The following RARB variants were observed in gnomAD, a reference collection of about 807,000 sequenced individuals.
RARB encodes HBV-activated protein.
A neutral mutation model predicts 51.9 loss-of-function variants in RARB; 17 were observed. That is an observed-to-expected ratio of 0.33 (90% CI 0.22 to 0.49). RARB has a LOEUF of 0.49. RARB is among the 20% of genes least tolerant of loss of function. The pLI is 0.99. For synonymous variants in RARB, 215 were observed against 195.4 expected, an observed-to-expected ratio of 1.10 and a Z score of -0.84; for missense variants, 369 against 550.8, an observed-to-expected ratio of 0.67 and a Z score of 3.30.
At chr3:24,860,875 C>CT (rs1028489591) in intron 2 of RARB, among the ~76,000 whole-genome samples, 4 of 152,118 alleles carry the variant, frequency 2.6e-5, no homozygotes, top group Non-Finnish European at 5.9e-5. Context: ...TTCTTGTATA[C>CT]TAATGACTTA....
intron 2 of RARB, among the ~76,000 whole-genome samples, chr3:24,883,860 T>C (rs1703219841): frequency 6.6e-6 from 1 of 152,172 alleles, no homozygotes; most frequent in Non-Finnish European, 1.5e-5. Flanking sequence ...GTTGCTAGTA[T>C]TTTAATACTT....
At chr3:24,876,748 G>T (rs1402784652) in intron 2 of RARB, among the ~76,000 whole-genome samples, 4 of 152,080 alleles carry the variant, frequency 2.6e-5, no homozygotes, top group Non-Finnish European at 5.9e-5. Flanking sequence ...CAACCAACTT[G>T]CCATGTGATA....
intron 2 of RARB, among the ~76,000 whole-genome samples, chr3:24,859,893 C>A (rs1245497711): frequency 1.3e-5 from 2 of 152,066 alleles, no homozygotes; most frequent in Non-Finnish European, 2.9e-5. Flanking sequence ...AATTTAAATT[C>A]TATATTATTC....
At chr3:24,963,957 A>G (rs928749064) in intron 2 of RARB, among the ~76,000 whole-genome samples, 33 of 152,288 alleles carry the variant, frequency 2.2e-4, no homozygotes, top group African/African-American at 7.7e-4. Flanking sequence ...CTTGTATATA[A>G]TCTTGACCAG....
chr3:25,425,397 A>G (rs767348569), upstream of RARB, among the ~76,000 whole-genome samples: 5 of 152,236 alleles, frequency 3.3e-5, no homozygotes, highest in Non-Finnish European at 7.3e-5. Flanking sequence ...AATAATTAGC[A>G]TGTGGCTAAA....
intron 5 of RARB, among the ~76,000 whole-genome samples, chr3:25,341,871 C>T (rs913969144): frequency 6.6e-5 from 10 of 151,960 alleles, no homozygotes; most frequent in African/African-American, 2.4e-4. Context: ...CCTGACACAC[C>T]TCAAACTACG....
intron 2 of RARB, among the ~76,000 whole-genome samples, chr3:24,949,096 AC>A (rs1695834284): frequency 6.6e-6 from 1 of 152,176 alleles, no homozygotes; most frequent in African/African-American, 2.4e-5. Context: ...AGCCCTGGTT[AC>A]CATTTGACCC....
In RARB at chr3:25,011,092, T is replaced by C. The variant is rs148499047; in HGVS notation, c.-379-49033T>C. 3.2e-3 allele frequency among the ~76,000 whole-genome samples: 489 copies of C among 152,284 alleles called. 1 individual carries two copies. The highest frequency in any genetic ancestry group is 0.011 in the African/African-American group (470 of 41,568). On this transcript the variant is annotated intron_variant, in intron 2 of 11. Transcript: ENST00000383772. ...TGTTGATTTCTTCATTCAACAATTA[T>C]CTACTGAATGCCAGTAAGGTGGCAG...
chr3:25,209,871 A>C (rs1701648243), intron 5 of RARB, among the ~76,000 whole-genome samples: 1 of 152,218 alleles, frequency 6.6e-6, no homozygotes, highest in Non-Finnish European at 1.5e-5. Flanking sequence ...GATGTGACCG[A>C]AACTACTGCT....
intron 5 of RARB, among the ~76,000 whole-genome samples, chr3:25,369,651 G>A (rs1396349281): frequency 6.6e-5 from 10 of 152,242 alleles, no homozygotes; most frequent in Non-Finnish European, 8.8e-5. Flanking sequence ...GGCCAGGCGC[G>A]GTGGCTCACG....
chr3:25,328,167 A>G (rs998273545), intron 5 of RARB, among the ~76,000 whole-genome samples: 8 of 152,258 alleles, frequency 5.3e-5, no homozygotes, highest in Admixed American at 1.3e-4. Flanking sequence ...GTATTAAGGA[A>G]TGGCAATACA....
chr3:25,315,054 G>C (rs1704387767), intron 5 of RARB, among the ~76,000 whole-genome samples: 2 of 152,208 alleles, frequency 1.3e-5, no homozygotes, highest in African/African-American at 4.8e-5. Context: ...TTTAATGTCT[G>C]TGTAGTATTC....
At chr3:25,454,175 G>GCATA (rs1303185156) in intron 1 of RARB, among the ~76,000 whole-genome samples, 5 of 152,208 alleles carry the variant, frequency 3.3e-5, no homozygotes, top group African/African-American at 1.2e-4. Context: ...GTTCATACAC[G>GCATA]CATGCGCACA....
chr3:25,417,503 C>T (rs984790270), intron 5 of RARB, among the ~76,000 whole-genome samples: 2 of 152,144 alleles, frequency 1.3e-5, no homozygotes, highest in Non-Finnish European at 2.9e-5. Flanking sequence ...GAATAAGTCT[C>T]ACAAAATCCA....
chr3:25,021,697 C>T (rs1215272417), intron 2 of RARB, among the ~76,000 whole-genome samples: 3 of 151,896 alleles, frequency 2.0e-5, no homozygotes, highest in Non-Finnish European at 4.4e-5. Flanking sequence ...TTCAGTTTTC[C>T]ATTTGTTCAA....
chr3:25,071,474 G>C (rs1321107973), intron 3 of RARB, among the ~76,000 whole-genome samples: 1 of 152,150 alleles, frequency 6.6e-6, no homozygotes, highest in Non-Finnish European at 1.5e-5. Context: ...CATCTAATTT[G>C]AGTTGGTTGG....
chr3:25,439,659 A>T (rs999357516), intron 1 of RARB, among the ~76,000 whole-genome samples: 5 of 152,202 alleles, frequency 3.3e-5, no homozygotes, highest in African/African-American at 1.2e-4. Context: ...TGGCGTGTCA[A>T]AGTGCTGGAA....
chr3:25,318,125 G>A (rs573385210), intron 5 of RARB, among the ~76,000 whole-genome samples: 19 of 152,192 alleles, frequency 1.2e-4, no homozygotes, highest in African/African-American at 4.1e-4. Flanking sequence ...TTAAATTAAC[G>A]AACAGAAAAT....
intron 4 of RARB, among the ~76,000 whole-genome samples, chr3:25,168,631 AAT>A (rs1246022544): frequency 2.0e-5 from 3 of 152,238 alleles, no homozygotes; most frequent in African/African-American, 7.2e-5. Flanking sequence ...AGATGTTAAA[AAT>A]ATGTTACCAT....
Sources: gnomAD v4.1 joint callset for allele counts (sites outside exome capture counted in the v4.1 genomes callset) on GRCh38, gnomAD v4.1.1 for gene constraint, MANE v1.5 for transcripts, NCBI Gene and HGNC (gene_info 2026-07-23, HGNC 2026-07-21) for gene names.